KLHL4: variants seen among roughly 807,000 people sequenced by gnomAD.
KLHL4 encodes kelch-like protein 4.
A neutral mutation model predicts 45.8 loss-of-function variants in KLHL4; 17 were observed. The observed-to-expected ratio is 0.37, with a 90% confidence interval of 0.25 to 0.56. The LOEUF (loss-of-function observed/expected upper bound fraction) is 0.56. KLHL4 is among the 20% of genes least tolerant of loss of function. The probability of loss-of-function intolerance (pLI) is 0.79; values close to 1 mark genes in which losing one functional copy is unlikely to be tolerated. For missense variants in KLHL4, 544 were observed against 544.9 expected (o/e 1.00, Z 0.02); for synonymous variants, 224 against 189.9 (o/e 1.18, Z -1.47).
intron 1 of KLHL4, among the ~76,000 whole-genome samples, chrX:87,535,172 G>A (rs1931402759): frequency 9.0e-6 from 1 of 111,112 alleles, no homozygotes; most frequent in Non-Finnish European, 1.9e-5. Flanking sequence ...TATAATAATT[G>A]CATATTTACA....
intron 1 of KLHL4, among the ~76,000 whole-genome samples, chrX:87,553,520 G>C (rs1369552982): frequency 9.1e-6 from 1 of 110,354 alleles, no homozygotes; most frequent in East Asian, 2.8e-4. Flanking sequence ...CTAGGTACTG[G>C]ATGTCTTCAT....
intron 9 of KLHL4, among the ~76,000 whole-genome samples, chrX:87,639,763 A>T (rs1923389195): frequency 9.0e-6 from 1 of 110,943 alleles, no homozygotes; most frequent in Non-Finnish European, 1.9e-5. Flanking sequence ...AGTCTGAAAG[A>T]GCACAAATAG....
intron 1 of KLHL4, among the ~76,000 whole-genome samples, chrX:87,612,510 A>T (rs1375140314): frequency 9.0e-6 from 1 of 111,674 alleles, no homozygotes; most frequent in Non-Finnish European, 1.9e-5. Context: ...AGTACAGTCT[A>T]TAATGATGCA....
intron 5 of KLHL4, 90 bp from the exon 6 acceptor site, chrX:87,625,520 T>C (rs951194594): frequency 1.2e-6 from 1 of 819,189 alleles, no homozygotes; most frequent in South Asian, 2.9e-5. Flanking sequence ...TGTACGCCAC[T>C]GCGCCCAGCC....
chrX:87,537,607 A>G (rs1428766641), intron 1 of KLHL4, among the ~76,000 whole-genome samples: 2 of 111,145 alleles, frequency 1.8e-5, no homozygotes, highest in African/African-American at 3.3e-5. Context: ...TCAAGGTATA[A>G]CTAACTAAAT....
At position 87,545,391 on chromosome X, in the gene KLHL4, C is replaced by T. The variant is rs184584657; in HGVS notation, c.422+27076C>T. ...CATGCTGTTCCTATGATAGTGAATG[C>T]GTTTCATGAGATCTGATGGTTTTAT... On this transcript the variant is annotated intron_variant, in intron 1 of 10. Transcript: ENST00000373119. Among the ~76,000 whole-genome samples, 361 of 111,052 alleles carry T rather than the reference C, an allele frequency of 3.3e-3. 1 individual carries two copies. The highest frequency in any genetic ancestry group is 0.01 in the African/African-American group (313 of 30,488).
chrX:87,632,147 A>G (rs1672295595), intron 6 of KLHL4, 63 bp from the exon 7 acceptor site: 3 of 681,978 alleles, frequency 4.4e-6, no homozygotes, highest in Non-Finnish European at 6.8e-6. Flanking sequence ...TATAATGTGA[A>G]TAATACCAAT....
chrX:87,602,482 G>A (rs755805551), intron 1 of KLHL4, among the ~76,000 whole-genome samples: 8 of 111,051 alleles, frequency 7.2e-5, no homozygotes, highest in Non-Finnish European at 1.5e-4. Context: ...ACTTTTTTAT[G>A]TTTAGATATG....
At position 87,528,706 on chromosome X, in the gene KLHL4, CAAAAAAAAAAAAAAA is replaced by C. The variant is rs1160857135; in HGVS notation, c.422+10408_422+10422del. On this transcript the variant is annotated intron_variant, in intron 1 of 10. Transcript: ENST00000373119. The stretch of plus-strand genomic sequence containing the variant: ...ATTCCAGCCTGGTAACAAAGCGAGA[CAAAAAAAAAAAAAAA>C]AAAAAAAAAAAAAAAAGAGTTCCAG... Among the ~76,000 whole-genome samples, 11 of 31,494 alleles carry C rather than the reference CAAAAAAAAAAAAAAA, an allele frequency of 3.5e-4. 1 individual carries two copies. The highest frequency in any genetic ancestry group is 4.9e-4 in the Admixed American group (1 of 2,046). 27.3% of individuals were successfully genotyped at this position (31,494 alleles called of 115,157 possible). A position where few individuals can be genotyped will look rare whatever the true frequency, so the allele number is the denominator to read the frequency against.
At chrX:87,604,256 G>A (rs888875874) in intron 1 of KLHL4, among the ~76,000 whole-genome samples, 1 of 110,449 alleles carries the variant, frequency 9.1e-6, no homozygotes, top group African/African-American at 3.3e-5. Flanking sequence ...ATACCCAGTA[G>A]TGGGATTGAA....
intron 1 of KLHL4, among the ~76,000 whole-genome samples, chrX:87,605,371 AAATT>A (rs1922158914): frequency 9.0e-6 from 1 of 111,041 alleles, no homozygotes; most frequent in South Asian, 3.7e-4. Context: ...CCATTTGAGA[AAATT>A]AATTCTTTCA....
At chrX:87,608,116 T>C (rs1922257794) in intron 1 of KLHL4, among the ~76,000 whole-genome samples, 1 of 112,057 alleles carries the variant, frequency 8.9e-6, no homozygotes. Flanking sequence ...TCTTTAGCAT[T>C]CTTTACGTAA....
At chrX:87,546,992 C>T (rs749916525) in intron 1 of KLHL4, among the ~76,000 whole-genome samples, 63 of 111,592 alleles carry the variant, frequency 5.6e-4, no homozygotes, top group Non-Finnish European at 1.0e-3. Flanking sequence ...TTTACAGGCT[C>T]CTAGATGGAA....
chrX:87,641,020 A>G (rs1305713511), intron 9 of KLHL4, among the ~76,000 whole-genome samples: 2 of 112,185 alleles, frequency 1.8e-5, no homozygotes, highest in Non-Finnish European at 3.8e-5. Flanking sequence ...ATGTACACAA[A>G]TCAGAATTGG....
At chrX:87,656,101 C>T (rs1253629270) in intron 9 of KLHL4, among the ~76,000 whole-genome samples, 1 of 110,807 alleles carries the variant, frequency 9.0e-6, no homozygotes, top group Non-Finnish European at 1.9e-5. Flanking sequence ...ATATGCTTTT[C>T]TTTTGCTGAT....
intron 1 of KLHL4, among the ~76,000 whole-genome samples, chrX:87,583,277 G>C (rs367650580): frequency 8.9e-6 from 1 of 112,013 alleles, no homozygotes; most frequent in East Asian, 2.9e-4. Context: ...ACTCGACACA[G>C]GAAGTCCAGC....
At chrX:87,630,519 ACT>A (rs1316395574) in intron 6 of KLHL4, among the ~76,000 whole-genome samples, 1 of 111,508 alleles carries the variant, frequency 9.0e-6, no homozygotes, top group East Asian at 2.8e-4. Context: ...TATTAGATAT[ACT>A]ATATAGATGT....
In KLHL4 at chrX:87,533,465, A is replaced by G. The variant is rs1170540081; in HGVS notation, c.422+15150A>G. Among the ~76,000 whole-genome samples the G allele has an allele frequency of 2.9e-5, 3 of 102,285 alleles. No individual in the cohort carries two copies. In the Admixed American group the frequency reaches 3.3e-4, roughly 11 times the overall value. 88.8% of individuals were successfully genotyped at this position (102,285 alleles called of 115,157 possible). On this transcript the variant is annotated intron_variant, in intron 1 of 10. Coordinates refer to ENST00000373119, the MANE Select transcript of KLHL4 (RefSeq NM_019117.5). ...AAACTATCGCAAGGACAAAAAACCA[A>G]ACACCGCATGTTCTCACTCATAGGT... is the stretch of plus-strand genomic sequence containing the variant.
intron 1 of KLHL4, among the ~76,000 whole-genome samples, chrX:87,603,373 T>G (rs1164043148): frequency 9.0e-6 from 1 of 111,163 alleles, no homozygotes; most frequent in Non-Finnish European, 1.9e-5. Flanking sequence ...ACCACAATTT[T>G]AATTAGCATG....
Sources: allele counts gnomAD v4.1 joint callset (sites outside exome capture counted in the v4.1 genomes callset), GRCh38; gene constraint gnomAD v4.1.1; transcripts MANE v1.5; gene names NCBI Gene and HGNC (gene_info 2026-07-23, HGNC 2026-07-21).